The following PRSS23 variants were observed in gnomAD, a reference collection of about 807,000 sequenced individuals.
The protein encoded by PRSS23 is serine protease 23, also known as protease, serine 23.
In PRSS23, 25 loss-of-function variants were observed where a neutral mutation model predicts 34.7. The ratio of observed to expected loss-of-function variants is 0.72; its 90% CI spans 0.53 to 1.01. The LOEUF is 1.01. Among genes scored for constraint, PRSS23 ranks in the 50% least tolerant of loss-of-function variants. The pLI, the probability that PRSS23 is intolerant of heterozygous loss-of-function variation, is 0.00. For missense variants in PRSS23, 445 were observed against 475.6 expected (o/e 0.94, Z 0.60); for synonymous variants, 176 against 186.6 (o/e 0.94, Z 0.46).
intron 2 of PRSS23, chr11:86,910,691 C>T (rs1948971557): frequency 6.6e-6 from 1 of 152,170 alleles, no homozygotes; most frequent in Non-Finnish European, 1.5e-5. Flanking sequence ...CAGACACACA[C>T]ACTCTCCATC....
chr11:86,952,432 C>G, exon 3 of PRSS23: 1 of 1,613,988 alleles, frequency 6.2e-7, no homozygotes. Context: ...TGTTGATCTT[C>G]TCTGTGCACA....
At chr11:86,945,850 T>C (rs1355579728) in intron 2 of PRSS23, 2 of 152,552 alleles carry the variant, frequency 1.3e-5, no homozygotes, top group African/African-American at 4.8e-5. Flanking sequence ...TCAGGGCATG[T>C]GTAGCAGGAA....
intron 1 of PRSS23, among the ~76,000 whole-genome samples, chr11:86,791,812 C>G (rs1406285199): frequency 6.6e-6 from 1 of 152,204 alleles, no homozygotes; most frequent in African/African-American, 2.4e-5. Flanking sequence ...CATTCATGGT[C>G]CTACTGCTCA....
At chr11:86,900,781 C>CTCT (rs775258446) in intron 2 of PRSS23, among the ~76,000 whole-genome samples, 1 of 94,020 alleles carries the variant, frequency 1.1e-5, no homozygotes, top group Non-Finnish European at 1.9e-5. Context: ...ATCTCTCTCT[C>CTCT]TTTTTTTTTT....
At chr11:86,916,284 G>A (rs150363065) in intron 2 of PRSS23, among the ~76,000 whole-genome samples, 1,857 of 152,240 alleles carry the variant, frequency 0.012, 42 homozygotes, top group African/African-American at 0.042. Flanking sequence ...TTTCTATGAT[G>A]AGAATTGCTT....
intron 2 of PRSS23, among the ~76,000 whole-genome samples, chr11:86,866,333 G>A (rs984386388): frequency 6.6e-6 from 1 of 152,072 alleles, no homozygotes; most frequent in Admixed American, 6.6e-5. Context: ...TACAGGGGTG[G>A]GGAGCTGCAG....
intron 2 of PRSS23, among the ~76,000 whole-genome samples, chr11:86,919,938 C>T: frequency 6.6e-6 from 1 of 152,188 alleles, no homozygotes. Flanking sequence ...TGCATCCACC[C>T]TTTGTTCACC....
intron 2 of PRSS23, among the ~76,000 whole-genome samples, chr11:86,887,417 A>AC (rs201682463): frequency 9.9e-5 from 15 of 151,614 alleles, no homozygotes; most frequent in African/African-American, 3.6e-4. Context: ...ACAAAACAAA[A>AC]AAAAAAAAAC....
intron 2 of PRSS23, among the ~76,000 whole-genome samples, chr11:86,895,739 C>T (rs1294896953): frequency 1.3e-5 from 2 of 152,130 alleles, no homozygotes; most frequent in African/African-American, 4.8e-5. Flanking sequence ...TTTGGCTGCC[C>T]AAAGTGCCGG....
chr11:86,911,777 TGTGTGTGTGA>T (rs1390097918), intron 2 of PRSS23: 4 of 151,858 alleles, frequency 2.6e-5, no homozygotes, highest in African/African-American at 7.3e-5. Flanking sequence ...TGTGTGTGTG[TGTGTGTGTGA>T]GTGTGACAGG....
intron 2 of PRSS23, among the ~76,000 whole-genome samples, chr11:86,867,899 G>GAAAAAAA (rs1948661068): frequency 8.3e-6 from 1 of 120,946 alleles, no homozygotes; most frequent in African/African-American, 3.5e-5. Context: ...AAATACAACA[G>GAAAAAAA]AGGATTTTGT....
chr11:86,918,800 T>G (rs1949029985), intron 2 of PRSS23, among the ~76,000 whole-genome samples: 1 of 152,246 alleles, frequency 6.6e-6, no homozygotes, highest in African/African-American at 2.4e-5. Context: ...TTTTCTTCAT[T>G]CTGCTACTTG....
rs1260211325 is a variant in PRSS23 at position 86,807,796 on chromosome 11, A to G, written c.153A>G (p.Pro51=). Residue 51 remains proline (P), a synonymous_variant, in exon 2 of 2, where the codon CCA becomes CCG. Transcript: ENST00000280258. ...LPQSTLNLAK[P]DFGAEAKLEV... ...AGTCTACCCTCAATTTAGCCAAGCC[A>G]GACTTTGGAGCCGAAGCCAAATTAG... is the stretch of plus-strand genomic sequence containing the variant. 15 of 1,614,186 alleles carry G rather than the reference A, an allele frequency of 9.3e-6. No individual in the cohort carries two copies. Among genetic ancestry groups the G allele is most frequent in the African/African-American group, 1.3e-5 (1 of 75,042 alleles).
At chr11:86,834,603 C>CTTTCA (rs1948390157) in intron 2 of PRSS23, among the ~76,000 whole-genome samples, 1 of 132,570 alleles carries the variant, frequency 7.5e-6, no homozygotes, top group African/African-American at 3.0e-5. Context: ...CTTTCCTTTC[C>CTTTCA]TTTCCTTTCC....
chr11:86,795,793 A>G (rs1026213395), upstream of PRSS23, among the ~76,000 whole-genome samples: 4 of 152,230 alleles, frequency 2.6e-5, no homozygotes, highest in Non-Finnish European at 5.9e-5. Flanking sequence ...ACACTTTATT[A>G]TTATCAAAGA....
chr11:86,939,426 A>ATATATATATATATATATTTTTT, intron 2 of PRSS23, among the ~76,000 whole-genome samples: 4 of 94,072 alleles, frequency 4.3e-5, no homozygotes, highest in Non-Finnish European at 6.9e-5. Flanking sequence ...ATATATATAT[A>ATATATATATATATATATTTTTT]TTTTTTAACA....
chr11:86,821,085 T>A, intron 1 of PRSS23: 1 of 394,194 alleles, frequency 2.5e-6, no homozygotes, highest in Non-Finnish European at 4.4e-6. Flanking sequence ...AAATGATATA[T>A]ACAGTACATA....
chr11:86,952,402 G>T (rs149547681), exon 3 of PRSS23: 1 of 1,614,074 alleles, frequency 6.2e-7, no homozygotes, highest in Non-Finnish European at 8.5e-7. Flanking sequence ...GACACATGCC[G>T]CCGCATGGGC....
chr11:86,940,563 T>A (rs1949200678), intron 2 of PRSS23, among the ~76,000 whole-genome samples: 1 of 152,104 alleles, frequency 6.6e-6, no homozygotes, highest in African/African-American at 2.4e-5. Context: ...GCAAGCTATG[T>A]AAAAACACCA....
Sources: allele counts gnomAD v4.1 joint callset (sites outside exome capture counted in the v4.1 genomes callset), GRCh38; gene constraint gnomAD v4.1.1; transcripts MANE v1.5; gene names NCBI Gene and HGNC (gene_info 2026-07-23, HGNC 2026-07-21).